The following PDZD2 variants were observed in gnomAD, a reference collection of about 807,000 sequenced individuals.
PDZD2 encodes PDZ domain containing 2, also known as PDZ domain-containing protein 2.
PDZD2 carries 90 observed loss-of-function variants against 220.7 expected under a neutral mutation model. That is an observed-to-expected ratio of 0.41 (90% CI 0.34 to 0.49). The LOEUF (loss-of-function observed/expected upper bound fraction) is 0.49, where lower values mean the gene tolerates loss of function less well. Among genes scored for constraint, PDZD2 ranks in the 20% least tolerant of loss-of-function variants. The pLI is 0.28. For synonymous variants in PDZD2, 1,375 were observed against 1,450.5 expected (o/e 0.95, Z 1.18); for missense variants, 3,174 against 3,608.5 (o/e 0.88, Z 3.08).
chr5:31,909,018 G>A (rs958634047), intron 2 of PDZD2: 5 of 276,616 alleles, frequency 1.8e-5, no homozygotes, highest in South Asian at 4.2e-5. Context: ...TCCAGCCTGG[G>A]TAACAGAGCA....
intron 1 of PDZD2, among the ~76,000 whole-genome samples, chr5:31,777,881 C>A (rs1036441372): frequency 2.6e-5 from 4 of 152,034 alleles, no homozygotes; most frequent in Non-Finnish European, 5.9e-5. Context: ...ATTCACCAAT[C>A]AACACTCTGT....
intron 2 of PDZD2, among the ~76,000 whole-genome samples, chr5:31,915,569 T>G (rs1394723386): frequency 6.6e-6 from 1 of 152,176 alleles, no homozygotes; most frequent in Admixed American, 6.5e-5. Flanking sequence ...GAAAACACCC[T>G]GAAGGCGGGC....
At chr5:31,955,684 T>C (rs34139510) in intron 2 of PDZD2, among the ~76,000 whole-genome samples, 41 of 59,428 alleles carry the variant, frequency 6.9e-4, no homozygotes, top group Non-Finnish European at 1.6e-3. Context: ...GGCTCTGTTC[T>C]TTTTTTTTTT....
In PDZD2 at chr5:32,109,899, A is replaced by AGATT. The variant is rs1213236344; in HGVS notation, c.*1765_*1768dup. 4 of 152,640 alleles carry AGATT rather than the reference A, an allele frequency of 2.6e-5. No individual in the cohort carries two copies. The East Asian group carries it at 7.7e-4, about 29-fold the overall frequency. The allele number at this position is 152,640 out of a possible 1,614,324, so 9.5% of individuals were successfully genotyped here. A position where few individuals can be genotyped will look rare whatever the true frequency, so the allele number is the denominator to read the frequency against. ...AGAAATAGCTGGCTTGTCTGAGTCC[A>AGATT]GATTTCTCATCAACTGGCAATACAA... On this transcript the variant is annotated 3_prime_UTR_variant, in exon 25 of 25. Coordinates refer to ENST00000438447, the MANE Select transcript of PDZD2 (RefSeq NM_178140.4).
intron 4 of PDZD2, among the ~76,000 whole-genome samples, chr5:31,997,184 A>T (rs913732445): frequency 6.6e-6 from 1 of 152,168 alleles, no homozygotes; most frequent in Non-Finnish European, 1.5e-5. Context: ...CTAGTCCGGA[A>T]CTTGGTGTTC....
chr5:32,086,705 T>C (rs1197723666), intron 19 of PDZD2, among the ~76,000 whole-genome samples: 3 of 152,074 alleles, frequency 2.0e-5, no homozygotes, highest in African/African-American at 7.2e-5. Context: ...AGACGGAGTT[T>C]CGCTCTTTTT....
chr5:31,658,827 G>A (rs1248439495), intron 1 of PDZD2, among the ~76,000 whole-genome samples: 2 of 152,024 alleles, frequency 1.3e-5, no homozygotes, highest in East Asian at 1.9e-4. Context: ...CACCATGTTG[G>A]CCAGGCTGGT....
At chr5:31,953,216 T>A (rs1747339431) in intron 2 of PDZD2, among the ~76,000 whole-genome samples, 1 of 152,072 alleles carries the variant, frequency 6.6e-6, no homozygotes, top group African/African-American at 2.4e-5. Flanking sequence ...TTGGCCCATA[T>A]GGGACAGGAA....
chr5:31,745,072 C>T (rs1434188122), intron 1 of PDZD2, among the ~76,000 whole-genome samples: 3 of 150,136 alleles, frequency 2.0e-5, no homozygotes, highest in Non-Finnish European at 4.4e-5. Flanking sequence ...GACTCCGTCT[C>T]AAAAAAAATA....
intron 2 of PDZD2, among the ~76,000 whole-genome samples, chr5:31,813,449 C>CAAAAAAAAAAAA (rs60551914): frequency 1.1e-5 from 1 of 94,206 alleles, no homozygotes; most frequent in Non-Finnish European, 1.9e-5. Flanking sequence ...GACTCCGTCT[C>CAAAAAAAAAAAA]AAAAAAAAAA....
At chr5:31,988,678 C>T (rs1316396044) in intron 3 of PDZD2, among the ~76,000 whole-genome samples, 1 of 151,954 alleles carries the variant, frequency 6.6e-6, no homozygotes, top group Non-Finnish European at 1.5e-5. Context: ...TGGTAACTAA[C>T]CCCCGTCTGG....
chr5:32,088,604 A>C lies in PDZD2; in HGVS notation c.5156A>C (p.His1719Pro). 1 of 1,614,208 alleles carries C rather than the reference A, an allele frequency of 6.2e-7. No homozygotes were observed. The highest frequency in any genetic ancestry group is 8.5e-7 in the Non-Finnish European group (1 of 1,180,016). ...SPLSKVARHF[H>P]SPPIILSSPN... is the part of the protein sequence containing the mutation. ...CTGTCTAAAGTAGCCAGGCATTTTCACAGTCCGCCCATCATTCTCAGCTCC... is the reference window on the plus strand; with the variant it reads ...CTGTCTAAAGTAGCCAGGCATTTTCCCAGTCCGCCCATCATTCTCAGCTCC... The change falls in exon 20 of 25, where the codon CAC becomes CCC. Residue 1719 changes from histidine (H) to proline (P), a missense_variant. Physicochemically the swap from His to Pro is moderately conservative, Grantham distance 77. Around this residue, in one of 4 missense-constraint regions of PDZD2, gnomAD observed 1,861 missense variants for 2,001.0 expected, o/e 0.93. Transcript: ENST00000438447. This position sits in a 1 kb window ranked among gnomAD's most constrained non-coding sequence, Gnocchi z 4.6.
chr5:31,939,150 C>T (rs1414508231), intron 2 of PDZD2, among the ~76,000 whole-genome samples: 2 of 152,072 alleles, frequency 1.3e-5, no homozygotes, highest in South Asian at 2.1e-4. Context: ...AACAAGATGG[C>T]GCCTGTACGC....
rs61744764 is a variant in PDZD2, at chr5:32,088,173, C to T, written c.4725C>T (p.Asp1575=). The stretch of plus-strand genomic sequence containing the variant: ...AAGCCCCACGAGCTTCTGCCAGGGA[C>T]GGCTGGTCCCCTCCTCGTTCCCGTG... ...LTEAPRASAR[D]GWSPPRSRVS... is the part of the protein sequence containing the mutation. Residue 1575 remains aspartate (D), a synonymous_variant, in exon 20 of 25, where the codon GAC becomes GAT. Transcript: ENST00000438447. The surrounding 1 kb of genome is among the most constrained non-coding windows in gnomAD (Gnocchi z 4.6). The T allele has an allele frequency of 5.3e-4, 862 of 1,614,112 alleles. 5 individuals carry two copies. In the African/African-American group the frequency reaches 0.01, roughly 19 times the overall value.
intron 2 of PDZD2, among the ~76,000 whole-genome samples, chr5:31,877,676 CTATT>C (rs72473783): frequency 0.51 from 76,326 of 150,404 alleles, 22,176 homozygotes; most frequent in African/African-American, 0.81. Context: ...GCTGAAAGGT[CTATT>C]TATTTATTTA....
chr5:31,873,699 G>A lies in PDZD2; in HGVS notation c.476+73975G>A, dbSNP rs1304907372. Among the ~76,000 whole-genome samples the A allele has an allele frequency of 2.6e-5, 4 of 151,088 alleles. No homozygotes were observed. The East Asian group carries it at 7.7e-4, about 29-fold the overall frequency. On this transcript the variant is annotated intron_variant, in intron 2 of 24. Coordinates refer to ENST00000438447, the MANE Select transcript of PDZD2 (RefSeq NM_178140.4). ...TTACAGGCATGAGCCACTGCACCCGGCCAGAAATTCTGATAAGAGCTGACA... is the reference window on the plus strand; with the variant it reads ...TTACAGGCATGAGCCACTGCACCCGACCAGAAATTCTGATAAGAGCTGACA...
In PDZD2 at chr5:32,068,840, C is replaced by T. The variant is rs563858481; in HGVS notation, c.2452-729C>T. ...TAGCAAAAAGCTGTAATTCTGTGTG[C>T]GTGTGTGTGTATGTGTCTGTGTAGG... On this transcript the variant is annotated intron_variant, in intron 14 of 24. Coordinates refer to ENST00000438447, the MANE Select transcript of PDZD2 (RefSeq NM_178140.4). 1.8e-4 allele frequency among the ~76,000 whole-genome samples: 27 copies of T among 151,778 alleles called. No homozygotes were observed. In the South Asian group the frequency reaches 5.2e-3, roughly 29 times the overall value.
chr5:31,741,022 C>T (rs140236375), intron 1 of PDZD2, among the ~76,000 whole-genome samples: 2,177 of 152,280 alleles, frequency 0.014, 54 homozygotes, highest in South Asian at 0.068. Context: ...CCTCAAACTA[C>T]ATCCTGTTCA....
At chr5:31,791,590 CAAA>C (rs1157216997) in intron 1 of PDZD2, among the ~76,000 whole-genome samples, 1 of 50,436 alleles carries the variant, frequency 2.0e-5, no homozygotes. Flanking sequence ...AACTCCGTCT[CAAA>C]AAAAAAAAAA....
Sources: gnomAD v4.1 joint callset for allele counts (sites outside exome capture counted in the v4.1 genomes callset) on GRCh38, gnomAD v4.1.1 for gene constraint, gnomAD v4.1.1 regional missense constraint, Gnocchi (gnomAD v3.1) non-coding constraint, MANE v1.5 for transcripts, NCBI Gene and HGNC (gene_info 2026-07-23, HGNC 2026-07-21) for gene names.